The following FGD2 variants were observed in gnomAD, a reference collection of about 807,000 sequenced individuals.
The protein encoded by FGD2 is FYVE, RhoGEF and PH domain containing 2.
FGD2 carries 52 observed loss-of-function variants against 75.9 expected under a neutral mutation model. The observed-to-expected ratio is 0.69, with a 90% confidence interval of 0.55 to 0.86. The LOEUF (loss-of-function observed/expected upper bound fraction) is 0.86. FGD2 is among the 40% of genes least tolerant of loss of function. The probability of loss-of-function intolerance (pLI) is 0.00; values close to 1 mark genes in which losing one functional copy is unlikely to be tolerated. For missense variants in FGD2, 790 were observed against 872.0 expected, an observed-to-expected ratio of 0.91 and a Z score of 1.18; for synonymous variants, 347 against 348.6, an observed-to-expected ratio of 1.00 and a Z score of 0.05.
In FGD2 at chr6:37,022,119, G is replaced by A. The variant is rs573668196; in HGVS notation, c.1327-120G>A. On this transcript the variant is annotated intron_variant, in intron 12 of 15. Coordinates refer to ENST00000274963, the MANE Select transcript of FGD2 (RefSeq NM_173558.4). ...AGTCAGCTTGCTGTAGAAGCCCCAG[G>A]GAAGCCCAACACAAAGAATCCCTGC... 8.7e-6 allele frequency: 12 copies of A among 1,373,356 alleles called. No individual in the cohort carries two copies. The African/African-American group carries it at 1.2e-4, about 14-fold the overall frequency. 85.1% of individuals were successfully genotyped at this position (1,373,356 alleles called of 1,614,324 possible). A position where few individuals can be genotyped will look rare whatever the true frequency, so the allele number is the denominator to read the frequency against.
At chr6:37,017,320 G>A (rs1156561751) in intron 9 of FGD2, among the ~76,000 whole-genome samples, 1 of 152,206 alleles carries the variant, frequency 6.6e-6, no homozygotes, top group African/African-American at 2.4e-5. Context: ...CTGCCTGTGT[G>A]TGAATGTATC....
intron 14 of FGD2, among the ~76,000 whole-genome samples, chr6:37,026,522 G>T (rs2150785343): frequency 6.6e-6 from 1 of 150,980 alleles, no homozygotes; most frequent in East Asian, 2.2e-4. Flanking sequence ...GCCCCCACAG[G>T]TGCTCCCCTG....
At chr6:37,025,977 G>C in intron 14 of FGD2, 39 bp downstream of exon 14, 13 of 1,608,554 alleles carry the variant, frequency 8.1e-6, no homozygotes, top group African/African-American at 1.3e-5. Flanking sequence ...TCCGTCCTCT[G>C]TTCAGGGAAT....
At chr6:37,011,454 G>T in intron 3 of FGD2, 1 of 579,270 alleles carries the variant, frequency 1.7e-6, no homozygotes, top group Non-Finnish European at 3.0e-6. Flanking sequence ...TCCACAGTTT[G>T]GGCCTGTTTA....
At chr6:37,011,210 A>G (rs1764989709) in intron 3 of FGD2, 160 bp downstream of exon 3, 9 of 680,714 alleles carry the variant, frequency 1.3e-5, no homozygotes, top group Admixed American at 7.4e-5. Flanking sequence ...GGGTTGGGGT[A>G]GAATCAGGAG....
chr6:37,024,466 A>T (rs1006593191), intron 13 of FGD2: 1 of 152,242 alleles, frequency 6.6e-6, no homozygotes, highest in Non-Finnish European at 1.5e-5. Flanking sequence ...GTGAGGTGTC[A>T]TGATGACTGT....
At chr6:37,010,438 G>A (rs554392425) in intron 2 of FGD2, among the ~76,000 whole-genome samples, 2 of 152,288 alleles carry the variant, frequency 1.3e-5, no homozygotes, top group East Asian at 3.9e-4. Context: ...ACTTACATTG[G>A]GGGTTAGGGC....
At chr6:37,027,174 C>T (rs1247632594) in intron 14 of FGD2, among the ~76,000 whole-genome samples, 1 of 152,202 alleles carries the variant, frequency 6.6e-6, no homozygotes, top group Non-Finnish European at 1.5e-5. Context: ...GCTCCAGGCA[C>T]CCTCCCGGCA....
rs909173093 is a variant in FGD2, at chr6:37,022,365, G to A, written c.1453G>A (p.Gly485Ser). The A allele has an allele frequency of 3.8e-6, 6 of 1,578,510 alleles. No individual in the cohort carries two copies. Among genetic ancestry groups the A allele is most frequent in the Admixed American group, 1.9e-5 (1 of 51,604 alleles). The change falls in exon 13 of 16, where the codon GGC becomes AGC. Residue 485 changes from glycine (G) to serine (S), a missense_variant. Physicochemically the swap from Gly to Ser is moderately conservative, Grantham distance 56. Coordinates refer to ENST00000274963, the MANE Select transcript of FGD2 (RefSeq NM_173558.4). The stretch of plus-strand genomic sequence containing the variant: ...CCGTCGCCACCACTGCCGGGCCTGC[G>A]GCTATGTGAGTACTCCTGCCAGCAC... The part of the protein sequence containing the change: ...TRRRHHCRAC[G>S]YVVCARCSDY...
At chr6:37,013,799 C>T (rs999346523) in intron 5 of FGD2, 34 bp downstream of exon 5, 51 of 1,610,588 alleles carry the variant, frequency 3.2e-5, no homozygotes, top group Non-Finnish European at 3.9e-5. Context: ...TCAGCATTGC[C>T]ACTCCCAGCA....
chr6:37,009,055 C>T lies in FGD2; in HGVS notation c.290C>T (p.Ser97Leu), dbSNP rs747641806. The change falls in exon 2 of 16, where the codon TCG (serine) becomes TTG (leucine). Residue 97 changes from serine to leucine, a missense_variant. Ser to Leu is a moderately radical substitution (Grantham distance 145). Coordinates refer to ENST00000274963, the MANE Select transcript of FGD2 (RefSeq NM_173558.4). ...KSCQPVTLSG[S>L]GTQEPEKKIV... is the part of the protein sequence containing the mutation. ...TGCCAGCCTGTGACCCTCTCAGGAT[C>T]GGGGACGCAGGTGCCTGAGGGCTGA... The T allele has an allele frequency of 9.9e-6, 16 of 1,613,964 alleles. No homozygotes were observed. Among genetic ancestry groups the T allele is most frequent in the South Asian group, 9.9e-5 (9 of 91,048 alleles).
intron 14 of FGD2, 97 bp from the exon 15 acceptor site, chr6:37,027,332 G>T: frequency 1.4e-6 from 2 of 1,427,838 alleles, no homozygotes; most frequent in East Asian, 4.6e-5. Flanking sequence ...ATTCAGTACT[G>T]CTGTAAGGAT....
intron 4 of FGD2, 137 bp from the exon 5 acceptor site, chr6:37,013,472 C>T (rs577800336): frequency 6.9e-7 from 1 of 1,449,780 alleles, no homozygotes; most frequent in Admixed American, 2.7e-5. Context: ...AGGATGACAC[C>T]CCCGTACCCC....
At chr6:37,026,347 ATTC>A in intron 14 of FGD2, 2 of 985,430 alleles carry the variant, frequency 2.0e-6, no homozygotes, top group Non-Finnish European at 2.4e-6. Context: ...TGGAGACTCC[ATTC>A]TAACTGGAAG....
Position 37,025,809 on chromosome 6 carries a change from C to T in FGD2, c.1476C>T (p.Cys492=). The T allele has an allele frequency of 6.2e-7, 1 of 1,614,220 alleles. No individual in the cohort carries two copies. Residue 492 remains cysteine, a synonymous_variant, in exon 14 of 16, where the codon TGC becomes TGT. Coordinates refer to ENST00000274963, the MANE Select transcript of FGD2 (RefSeq NM_173558.4). ...CTCCTCAGGTGGTGTGTGCCAGGTG[C>T]TCCGACTACCGGGCCGAACTGAAAT... ...RACGYVVCAR[C]SDYRAELKYD...
chr6:37,026,692 C>T (rs1194571701), intron 14 of FGD2, among the ~76,000 whole-genome samples: 1 of 152,144 alleles, frequency 6.6e-6, no homozygotes, highest in Non-Finnish European at 1.5e-5. Context: ...CTGAGATTCA[C>T]TCCCAGGTTC....
chr6:37,026,249 C>T lies in FGD2; in HGVS notation c.1605+311C>T, dbSNP rs1765817864. 7 of 985,470 alleles carry T rather than the reference C, an allele frequency of 7.1e-6. No homozygotes were observed. The South Asian group carries it at 3.3e-4, about 46-fold the overall frequency. 61.0% of individuals were successfully genotyped at this position (985,470 alleles called of 1,614,324 possible). A position where few individuals can be genotyped will look rare whatever the true frequency, so the allele number is the denominator to read the frequency against. The stretch of plus-strand genomic sequence containing the variant: ...ACAGCTCATGTTCACGTCCCCATGT[C>T]CTGCCCCGACAGTCCCAGGGTGCCA... On this transcript the variant is annotated intron_variant, in intron 14 of 15. Coordinates refer to ENST00000274963, the MANE Select transcript of FGD2 (RefSeq NM_173558.4).
At chr6:37,010,117 A>C (rs950025829) in intron 2 of FGD2, 4 of 151,352 alleles carry the variant, frequency 2.6e-5, no homozygotes, top group Non-Finnish European at 5.9e-5. Flanking sequence ...TACTGGCCTC[A>C]CTCGGGGGTC....
In FGD2 at chr6:37,026,168, G is replaced by A. The variant is rs919036867; in HGVS notation, c.1605+230G>A. ...AGGCACCCTTTGGCTGCAGGCTGTC[G>A]TCCACATTCTTCTGCACTTCCTCTA... On this transcript the variant is annotated intron_variant, in intron 14 of 15. Transcript: ENST00000274963. 8.5e-5 allele frequency: 84 copies of A among 985,372 alleles called. No homozygotes were observed. In the South Asian group the frequency reaches 1.2e-3, roughly 14 times the overall value. 61.0% of individuals were successfully genotyped at this position (985,372 alleles called of 1,614,324 possible).
Sources: allele counts gnomAD v4.1 joint callset (sites outside exome capture counted in the v4.1 genomes callset), GRCh38; gene constraint gnomAD v4.1.1; transcripts MANE v1.5; gene names NCBI Gene and HGNC (gene_info 2026-07-23, HGNC 2026-07-21).